Variants in NBEAL1 observed in about 807,000 individuals in gnomAD.
NBEAL1 encodes the protein neurobeachin like 1.
NBEAL1 carries 273 observed loss-of-function variants against 351.3 expected under a neutral mutation model. That is an observed-to-expected ratio of 0.78 (90% CI 0.70 to 0.86). The LOEUF is 0.86. Ranked by LOEUF, NBEAL1 falls within the 40% of genes least tolerant of loss-of-function variation. The probability of loss-of-function intolerance (pLI) is 0.00; values close to 1 mark genes in which losing one functional copy is unlikely to be tolerated. For missense variants in NBEAL1, 2,961 were observed against 3,201.3 expected (o/e 0.92, Z 1.81); for synonymous variants, 1,050 against 1,086.4 (o/e 0.97, Z 0.66).
chr2:203,148,805 G>A (rs1322920711), intron 33 of NBEAL1, among the ~76,000 whole-genome samples, 186 bp from the exon 34 acceptor site: 2 of 151,504 alleles, frequency 1.3e-5, no homozygotes, highest in Non-Finnish European at 2.9e-5. Flanking sequence ...TAGATTATAG[G>A]TAAAATTATA....
chr2:203,140,642 T>C (rs2063343055), intron 31 of NBEAL1, among the ~76,000 whole-genome samples: 1 of 152,154 alleles, frequency 6.6e-6, no homozygotes, highest in Non-Finnish European at 1.5e-5. Context: ...ATACAGACTT[T>C]TAAATGCAAT....
chr2:203,099,724 A>G lies in NBEAL1; in HGVS notation c.1269+12A>G. On this transcript the variant is annotated intron_variant, in intron 12 of 55. Transcript: ENST00000683969. The stretch of plus-strand genomic sequence containing the variant: ...CTCCAGCTGCTAAGGTGAAACATAT[A>G]TCCTCCAGCTTTTTTTTTTTTCTTA... The G allele has an allele frequency of 6.7e-7, 1 of 1,503,358 alleles. No individual in the cohort carries two copies. The highest frequency in any genetic ancestry group is 8.9e-7 in the Non-Finnish European group (1 of 1,119,366). The allele number at this position is 1,503,358 out of a possible 1,614,324, so 93.1% of individuals were successfully genotyped here.
intron 36 of NBEAL1, among the ~76,000 whole-genome samples, chr2:203,158,815 GTT>G (rs71034220): frequency 3.6e-5 from 3 of 84,372 alleles, no homozygotes; most frequent in African/African-American, 4.7e-5. Context: ...TTTCTGTAGG[GTT>G]TTTTTTTTTT....
intron 12 of NBEAL1, among the ~76,000 whole-genome samples, chr2:203,105,428 G>A (rs1442224783): frequency 6.6e-6 from 1 of 151,780 alleles, no homozygotes. Context: ...TCGCGCCACT[G>A]CACTCCAGCC....
chr2:203,042,665 A>G (rs1167890655), intron 3 of NBEAL1, among the ~76,000 whole-genome samples: 3 of 150,246 alleles, frequency 2.0e-5, no homozygotes, highest in African/African-American at 7.4e-5. Flanking sequence ...TTGGCTCACT[A>G]TAACCTCCAC....
chr2:203,032,626 CA>C (rs1352571280), intron 2 of NBEAL1, among the ~76,000 whole-genome samples: 1 of 121,220 alleles, frequency 8.2e-6, no homozygotes, highest in African/African-American at 3.0e-5. Context: ...TGCATAAGAA[CA>C]AAAACCCAAA....
In NBEAL1 at chr2:203,213,548, G is replaced by A. The variant is rs761715442; in HGVS notation, c.7965G>A (p.Met2655Ile). Residue 2655 changes from methionine (M) to isoleucine (I), a missense_variant, in exon 55 of 56, where the codon ATG (methionine) becomes ATA (isoleucine). By Grantham distance (10) the Met-to-Ile change is conservative. Transcript: ENST00000683969. ...ATCTCAGCATCAACCCATTAGCCAT[G>A]CGACTGCCTATCCATTGTGTTTGTG... ...SLNLSINPLA[M>I]RLPIHCVCVT... The A allele has an allele frequency of 8.1e-6, 13 of 1,613,752 alleles. No individual in the cohort carries two copies. Among genetic ancestry groups the A allele is most frequent in the Non-Finnish European group, 1.1e-5 (13 of 1,179,824 alleles).
At chr2:203,181,675 G>A (rs1432737557) in intron 43 of NBEAL1, 1 of 152,078 alleles carries the variant, frequency 6.6e-6, no homozygotes, top group Non-Finnish European at 1.5e-5. Flanking sequence ...CATTTATTCA[G>A]TACAATTATT....
Position 203,126,049 on chromosome 2 carries a change from A to T in NBEAL1, c.2941A>T (p.Ile981Phe). 6.5e-7 allele frequency: 1 copy of T among 1,544,502 alleles called. No individual in the cohort carries two copies. The highest frequency in any genetic ancestry group is 8.7e-7 in the Non-Finnish European group (1 of 1,144,126). The change falls in exon 21 of 56, where the codon ATT becomes TTT. Residue 981 changes from isoleucine (I) to phenylalanine (F), a missense_variant. Physicochemically the swap from Ile to Phe is conservative, Grantham distance 21 (BLOSUM62 0). Transcript: ENST00000683969. ...ACATCCTATCAACCAGGGCAATCTTATTCACTCCCATGGAGTTGCAACTCT... is the reference window on the plus strand; with the variant it reads ...ACATCCTATCAACCAGGGCAATCTTTTTCACTCCCATGGAGTTGCAACTCT... ...QRHPINQGNL[I>F]HSHGVATLGA...
chr2:203,079,328 C>A (rs956299428), intron 8 of NBEAL1, among the ~76,000 whole-genome samples: 1 of 152,124 alleles, frequency 6.6e-6, no homozygotes, highest in African/African-American at 2.4e-5. Flanking sequence ...GCAACCTGCC[C>A]ACTTCAGACT....
intron 42 of NBEAL1, among the ~76,000 whole-genome samples, chr2:203,176,487 G>T (rs922014096): frequency 6.6e-5 from 10 of 152,080 alleles, no homozygotes; most frequent in African/African-American, 1.9e-4. Flanking sequence ...CACTTTGGGA[G>T]GCCAAGGTGG....
intron 46 of NBEAL1, 45 bp from the exon 47 acceptor site, chr2:203,193,750 A>C (rs371043413): frequency 7.7e-6 from 10 of 1,299,360 alleles, no homozygotes; most frequent in Non-Finnish European, 1.1e-5. Flanking sequence ...GTGAGAGATT[A>C]ATAACATAGA....
chr2:203,121,668 AAC>A (rs2062835426), intron 18 of NBEAL1, among the ~76,000 whole-genome samples: 1 of 151,970 alleles, frequency 6.6e-6, no homozygotes, highest in Non-Finnish European at 1.5e-5. Context: ...AAAAAAAAAA[AAC>A]ATCACTGTGG....
Position 203,022,077 on chromosome 2 carries a change from A to C in NBEAL1, c.51+5642A>C, listed in dbSNP as rs185396684. On this transcript the variant is annotated intron_variant, in intron 2 of 55. Coordinates refer to ENST00000683969, the MANE Select transcript of NBEAL1 (RefSeq NM_001378026.1). ...AAAAAAAAAAAAAGAAAGAAAAAGA[A>C]AAAGACATGTATCATAAATTCCCTA... Among the ~76,000 whole-genome samples the C allele has an allele frequency of 5.3e-4, 80 of 152,086 alleles. No homozygotes were observed. In the Middle Eastern group the frequency reaches 0.027, roughly 52 times the overall value.
At chr2:203,187,611 G>C (rs1175731822) in intron 44 of NBEAL1, among the ~76,000 whole-genome samples, 1 of 151,484 alleles carries the variant, frequency 6.6e-6, no homozygotes, top group Non-Finnish European at 1.5e-5. Flanking sequence ...CGTGGTGGCA[G>C]GCGCCTGTAA....
At chr2:203,207,331 G>A (rs1262672374) in intron 51 of NBEAL1, among the ~76,000 whole-genome samples, 1 of 152,028 alleles carries the variant, frequency 6.6e-6, no homozygotes, top group African/African-American at 2.4e-5. Context: ...CCTCCGGGAG[G>A]TGAGGGGCGC....
Position 203,202,660 on chromosome 2 carries a change from C to G in NBEAL1, c.7412-27C>G, listed in dbSNP as rs115883003. 8.2e-4 allele frequency: 1,074 copies of G among 1,312,360 alleles called. 7 individuals are homozygous for G. The African/African-American group carries it at 0.013, about 16-fold the overall frequency. The allele number at this position is 1,312,360 out of a possible 1,614,324, so 81.3% of individuals were successfully genotyped here. On this transcript the variant is annotated intron_variant, in intron 50 of 55. Coordinates refer to ENST00000683969, the MANE Select transcript of NBEAL1 (RefSeq NM_001378026.1). The stretch of plus-strand genomic sequence containing the variant: ...TCTATTTTAGCAAAACGAGGCATCT[C>G]ATTTTATTTAATTCCTTTTCTTACA...
chr2:203,105,394 A>C (rs1356739499), intron 12 of NBEAL1, among the ~76,000 whole-genome samples: 2 of 151,654 alleles, frequency 1.3e-5, no homozygotes, highest in African/African-American at 4.8e-5. Context: ...TGAAACCTGG[A>C]GGTGGAGCTT....
chr2:203,146,924 A>G (rs1316858646), intron 33 of NBEAL1, among the ~76,000 whole-genome samples: 1 of 152,202 alleles, frequency 6.6e-6, no homozygotes, highest in Non-Finnish European at 1.5e-5. Context: ...TAACAAGAAA[A>G]ACTACATTAT....
Sources: allele counts gnomAD v4.1 joint callset (sites outside exome capture counted in the v4.1 genomes callset), GRCh38; gene constraint gnomAD v4.1.1; transcripts MANE v1.5; gene names NCBI Gene and HGNC (gene_info 2026-07-23, HGNC 2026-07-21).